Variants in ANKRD26 observed in about 807,000 individuals in gnomAD.
The protein encoded by ANKRD26 is ankyrin repeat domain 26.
In ANKRD26, 141 loss-of-function variants were observed where a neutral mutation model predicts 208.7. The ratio of observed to expected loss-of-function variants is 0.68; its 90% CI spans 0.59 to 0.78. The LOEUF (loss-of-function observed/expected upper bound fraction) is 0.78. Ranked by LOEUF, ANKRD26 falls within the 30% of genes least tolerant of loss-of-function variation. The probability of loss-of-function intolerance (pLI) is 0.00; values close to 1 mark genes in which losing one functional copy is unlikely to be tolerated. For synonymous variants in ANKRD26, 636 were observed against 660.4 expected, an observed-to-expected ratio of 0.96 and a Z score of 0.57; for missense variants, 1,889 against 1,938.7, an observed-to-expected ratio of 0.97 and a Z score of 0.48.
chr10:27,030,991 G>T (rs933764806), intron 25 of ANKRD26, among the ~76,000 whole-genome samples: 8 of 152,148 alleles, frequency 5.3e-5, no homozygotes, highest in African/African-American at 1.9e-4. Flanking sequence ...GTTAAATTAA[G>T]GGCAAATTGT....
chr10:27,035,681 C>T lies in ANKRD26; in HGVS notation c.2769G>A (p.Met923Ile), dbSNP rs1447667481. 1.2e-6 allele frequency: 2 copies of T among 1,603,028 alleles called. No individual in the cohort carries two copies. The highest frequency in any genetic ancestry group is 1.7e-6 in the Non-Finnish European group (2 of 1,176,896). Residue 923 changes from methionine (M) to isoleucine (I), a missense_variant, in exon 24 of 34, where the codon ATG (methionine) becomes ATA (isoleucine). Physicochemically the swap from Met to Ile is conservative, Grantham distance 10. Coordinates refer to ENST00000376087, the MANE Select transcript of ANKRD26 (RefSeq NM_014915.3). ...KNSMLQEEIAMLRLEIDTIKN... is the reference protein window; with the variant it reads ...KNSMLQEEIAILRLEIDTIKN... ...TTATTGTGTCTATTTCTAGTCTTAG[C>T]ATAGCAATTTCTTCCTGCAACATGC...
chr10:26,982,268 G>C (rs899477308), intron 4 of ANKRD26, among the ~76,000 whole-genome samples: 1 of 152,172 alleles, frequency 6.6e-6, no homozygotes, highest in Non-Finnish European at 1.5e-5. Flanking sequence ...GGCAAACTGT[G>C]AGGGAGCTAA....
At position 27,017,661 on chromosome 10, in the gene ANKRD26, C is replaced by T. The variant is rs1200136781; in HGVS notation, c.4347G>A (p.Lys1449=). 6.2e-7 allele frequency: 1 copy of T among 1,613,430 alleles called. No individual in the cohort carries two copies. Among genetic ancestry groups the T allele is most frequent in the Admixed American group, 1.7e-5 (1 of 59,966 alleles). ...CTTCTTGTTCCAACTTCTTTTTATTCTTCTGTAGTTTTTCACATTTCTTTT... is the reference window on the plus strand; with the variant it reads ...CTTCTTGTTCCAACTTCTTTTTATTTTTCTGTAGTTTTTCACATTTCTTTT... ...TVQKKCEKLQ[K]NKKKLEQEVI... is the part of the protein sequence containing the mutation. The change falls in exon 30 of 34, where the codon AAG becomes AAA. Residue 1449 remains lysine, a synonymous_variant. Transcript: ENST00000376087.
chr10:27,052,592 G>T (rs1228204114), intron 16 of ANKRD26, among the ~76,000 whole-genome samples: 2 of 151,982 alleles, frequency 1.3e-5, no homozygotes, highest in Admixed American at 1.3e-4. Flanking sequence ...ACCATAATAT[G>T]GTGTTATGCA....
At chr10:27,068,274 T>C (rs1180884703) in intron 9 of ANKRD26, among the ~76,000 whole-genome samples, 1 of 152,216 alleles carries the variant, frequency 6.6e-6, no homozygotes, top group Non-Finnish European at 1.5e-5. Context: ...TGTTTGGTAG[T>C]TCCTCATACA....
At chr10:26,953,391 C>T in the ANKRD26 span, among the ~76,000 whole-genome samples, 5 of 152,154 alleles carry the variant, frequency 3.3e-5, no homozygotes, top group East Asian at 1.9e-4. Context: ...GCGATCGTGC[C>T]ACTGCTCTCC....
chr10:27,046,937 G>T (rs1048961432), intron 17 of ANKRD26, among the ~76,000 whole-genome samples: 3 of 151,980 alleles, frequency 2.0e-5, no homozygotes, highest in South Asian at 4.2e-4. Context: ...AGAATAGAAG[G>T]TGAGCACAGA....
intron 3 of ANKRD26, among the ~76,000 whole-genome samples, chr10:26,983,703 C>T (rs891697497): frequency 9.9e-5 from 15 of 152,156 alleles, no homozygotes; most frequent in African/African-American, 3.6e-4. Context: ...GGTTATCACC[C>T]ACTCTTTTCA....
chr10:27,045,467 G>T (rs2054408917), intron 18 of ANKRD26, among the ~76,000 whole-genome samples: 1 of 150,860 alleles, frequency 6.6e-6, no homozygotes, highest in South Asian at 2.1e-4. Flanking sequence ...ACATGTCAAT[G>T]ACACTATTAG....
At chr10:26,989,713 CT>C (rs1019607195), downstream of ANKRD26, among the ~76,000 whole-genome samples, 1 of 152,120 alleles carries the variant, frequency 6.6e-6, no homozygotes. Flanking sequence ...TGATGAGAGG[CT>C]GCCACGGGGG....
At chr10:27,020,440 C>T (rs1589225605) in intron 29 of ANKRD26, among the ~76,000 whole-genome samples, 2 of 152,108 alleles carry the variant, frequency 1.3e-5, no homozygotes, top group South Asian at 2.1e-4. Flanking sequence ...CTCCCTTCCC[C>T]GCCCCTTTGC....
At chr10:27,074,955 T>A (rs2055642909) in intron 9 of ANKRD26, among the ~76,000 whole-genome samples, 1 of 151,794 alleles carries the variant, frequency 6.6e-6, no homozygotes, top group African/African-American at 2.4e-5. Context: ...AGGAAAAAAA[T>A]CATCAGCCAA....
the ANKRD26 span, among the ~76,000 whole-genome samples, chr10:26,956,703 G>A: frequency 6.6e-6 from 1 of 151,968 alleles, no homozygotes; most frequent in Admixed American, 6.6e-5. Context: ...AGTTCTAGAA[G>A]ATATTTTGGA....
At chr10:27,050,312 G>T (rs1420619630) in intron 16 of ANKRD26, among the ~76,000 whole-genome samples, 1 of 141,826 alleles carries the variant, frequency 7.1e-6, no homozygotes, top group Admixed American at 7.2e-5. Flanking sequence ...TCAATGTACA[G>T]AACTCAGCTT....
chr10:27,065,859 CTTTTTTTTTT>C (rs767106612), intron 11 of ANKRD26, among the ~76,000 whole-genome samples: 10 of 72,964 alleles, frequency 1.4e-4, no homozygotes, highest in Admixed American at 2.2e-4. Context: ...ATAATTCTTT[CTTTTTTTTTT>C]TTTTTTTTTT....
downstream of ANKRD26, among the ~76,000 whole-genome samples, chr10:26,987,196 T>C (rs928169317): frequency 1.3e-5 from 2 of 151,642 alleles, no homozygotes; most frequent in East Asian, 1.9e-4. Flanking sequence ...AACCAAACAC[T>C]GCATGTTCTC....
intron 17 of ANKRD26, among the ~76,000 whole-genome samples, chr10:27,047,205 A>G (rs1408262452): frequency 6.6e-6 from 1 of 152,240 alleles, no homozygotes; most frequent in Non-Finnish European, 1.5e-5. Flanking sequence ...ATACACATAT[A>G]ACATGGAAGA....
At chr10:27,037,089 A>G (rs766158435) in intron 23 of ANKRD26, 97 bp downstream of exon 23, 1 of 1,306,150 alleles carries the variant, frequency 7.7e-7, no homozygotes, top group Non-Finnish European at 1.1e-6. Context: ...AATCCTCGAC[A>G]CTTTCCAAGA....
At chr10:26,971,357 T>C (rs2134585574), downstream of ANKRD26, among the ~76,000 whole-genome samples, 2 of 151,804 alleles carry the variant, frequency 1.3e-5, no homozygotes, top group East Asian at 3.9e-4. Flanking sequence ...CACTCCAGCC[T>C]TGGCAACAAA....
Sources: gnomAD v4.1 joint callset for allele counts (sites outside exome capture counted in the v4.1 genomes callset) on GRCh38, gnomAD v4.1.1 for gene constraint, MANE v1.5 for transcripts, NCBI Gene and HGNC (gene_info 2026-07-23, HGNC 2026-07-21) for gene names.